RBM10: variants seen among roughly 807,000 people sequenced by gnomAD.
RBM10 encodes RNA binding motif protein 10.
In RBM10, 1 loss-of-function variant was observed where a neutral mutation model predicts 84.9. That is an observed-to-expected ratio of 0.01 (90% CI 0.00 to 0.06). RBM10 has a LOEUF of 0.06. Among genes scored for constraint, RBM10 ranks in the 10% least tolerant of loss-of-function variants. The pLI is 1.00. For synonymous variants in RBM10, 326 were observed against 344.5 expected (o/e 0.95, Z 0.60); for missense variants, 438 against 839.0 (o/e 0.52, Z 5.90).
rs367958692 is a variant in RBM10, at chrX:47,163,056, CA to C, written c.18-6244del. 1.7e-3 allele frequency among the ~76,000 whole-genome samples: 154 copies of C among 90,813 alleles called. 1 individual carries two copies. The highest frequency in any genetic ancestry group is 2.1e-3 in the Admixed American group (17 of 8,002). The allele number at this position is 90,813 out of a possible 115,157, so 78.9% of individuals were successfully genotyped here. ...ATCTCACTTCTGTTGTATGCTTCTC[CA>C]AAAAAAAAAAAAAATCCATAATCTT... On this transcript the variant is annotated intron_variant, in intron 2 of 23. Transcript: ENST00000377604.
intron 2 of RBM10, among the ~76,000 whole-genome samples, chrX:47,168,233 G>A (rs1934376851): frequency 9.0e-6 from 1 of 111,725 alleles, no homozygotes; most frequent in Non-Finnish European, 1.9e-5. Context: ...CCATATTCTA[G>A]TAATTTTTTA....
chrX:47,184,758 T>C (rs1935781604), intron 17 of RBM10, among the ~76,000 whole-genome samples: 1 of 111,459 alleles, frequency 9.0e-6, no homozygotes, highest in Non-Finnish European at 1.9e-5. Context: ...GCCAAGTGCC[T>C]TGCAGGCTGT....
At position 47,179,174 on chromosome X, in the gene RBM10, C is replaced by A. The variant is rs782615388; in HGVS notation, c.724+11C>A. The A allele has an allele frequency of 8.3e-7, 1 of 1,208,162 alleles. No homozygotes were observed. Among genetic ancestry groups the A allele is most frequent in the South Asian group, 1.8e-5 (1 of 56,153 alleles). On this transcript the variant is annotated intron_variant, in intron 8 of 23. Transcript: ENST00000377604. ...GCGTGCCCAAGTCAGGTGAGGCCCA[C>A]CTACCTCTCGTGCTCTCCAGGGCGG...
rs1227774964 is a variant in RBM10 at position 47,176,510 on chromosome X, A to G, written c.587A>G (p.Asn196Ser). Residue 196 changes from asparagine (N) to serine (S), a missense_variant, in exon 7 of 24, where the codon AAC becomes AGC. Coordinates refer to ENST00000377604, the MANE Select transcript of RBM10 (RefSeq NM_005676.5). ...TGCTTTTTCCCGCAGCACTCCCTCA[A>G]CATCCTGGGCCAGAAGGTGTCGATG... ...RWMEANQHSLNILGQKVSMHY... is the reference protein window; with the variant it reads ...RWMEANQHSLSILGQKVSMHY... 12 of 1,211,094 alleles carry G rather than the reference A, an allele frequency of 9.9e-6. No individual in the cohort carries two copies. The highest frequency in any genetic ancestry group is 1.3e-5 in the Non-Finnish European group (12 of 895,320).
intron 2 of RBM10, chrX:47,157,171 T>A (rs1933225530): frequency 3.9e-6 from 1 of 259,423 alleles, no homozygotes; most frequent in Non-Finnish European, 7.3e-6. Flanking sequence ...GGACCAATGA[T>A]GACTCTGGCT....
At chrX:47,162,641 C>T (rs1455275973) in intron 2 of RBM10, among the ~76,000 whole-genome samples, 20 of 109,825 alleles carry the variant, frequency 1.8e-4, no homozygotes, top group Admixed American at 1.6e-3. Flanking sequence ...TTTGGGAGGG[C>T]GAGGGGGGCG....
At chrX:47,182,766 G>A (rs1004284751) in intron 17 of RBM10, among the ~76,000 whole-genome samples, 9 of 112,849 alleles carry the variant, frequency 8.0e-5, no homozygotes, top group South Asian at 3.6e-4. Context: ...CACTGTGAGC[G>A]TAGCGTTTAC....
At position 47,179,144 on chromosome X, in the gene RBM10, A is replaced by G. The variant is rs782538548; in HGVS notation, c.705A>G (p.Lys235=). ...QNFKRREKCF[K]CGVPKSEAEQ... ...TCAAACGCCGAGAGAAGTGCTTCAA[A>G]TGTGGCGTGCCCAAGTCAGGTGAGG... is the stretch of plus-strand genomic sequence containing the variant. The change falls in exon 8 of 24, where the codon AAA becomes AAG. Residue 235 remains lysine (K), a synonymous_variant. Coordinates refer to ENST00000377604, the MANE Select transcript of RBM10 (RefSeq NM_005676.5). The G allele has an allele frequency of 8.3e-7, 1 of 1,209,648 alleles. No homozygotes were observed. Among genetic ancestry groups the G allele is most frequent in the East Asian group, 3.0e-5 (1 of 33,740 alleles).
intron 1 of RBM10, among the ~76,000 whole-genome samples, chrX:47,145,700 A>G (rs1602477853): frequency 1.5e-5 from 1 of 65,936 alleles, no homozygotes; most frequent in Non-Finnish European, 2.6e-5. Flanking sequence ...GGGACATGGG[A>G]TGGGTGCATG....
Position 47,181,540 on chromosome X carries a change from C to A in RBM10, c.1469C>A (p.Ser490Tyr). 8.3e-7 allele frequency: 1 copy of A among 1,211,858 alleles called. No individual in the cohort carries two copies. The highest frequency in any genetic ancestry group is 3.0e-5 in the East Asian group (1 of 33,822). ...PEASLEPGAD[S>Y]VSMQAFSRAQ... ...GCCTCCCTAGAGCCTGGGGCCGACT[C>A]TGTGTCGATGCAGGCTTTCTCTCGC... Residue 490 changes from serine to tyrosine, a missense_variant, in exon 14 of 24, where the codon TCT (serine) becomes TAT (tyrosine). Coordinates refer to ENST00000377604, the MANE Select transcript of RBM10 (RefSeq NM_005676.5).
Position 47,173,044 on chromosome X carries a change from G to C in RBM10, c.433-84G>C, listed in dbSNP as rs1392285143. On this transcript the variant is annotated intron_variant, in intron 4 of 23. Coordinates refer to ENST00000377604, the MANE Select transcript of RBM10 (RefSeq NM_005676.5). ...GTGTGCACATCACCGATGACCCCTCGGGATCCAGAGGCCTCCAGCCAGCCT... is the reference window on the plus strand; with the variant it reads ...GTGTGCACATCACCGATGACCCCTCCGGATCCAGAGGCCTCCAGCCAGCCT... 5.0e-6 allele frequency: 6 copies of C among 1,202,172 alleles called. No individual in the cohort carries two copies. The Admixed American group carries it at 1.3e-4, about 27-fold the overall frequency.
At chrX:47,152,970 C>T (rs1387265691) in intron 2 of RBM10, among the ~76,000 whole-genome samples, 1 of 111,451 alleles carries the variant, frequency 9.0e-6, no homozygotes, top group Non-Finnish European at 1.9e-5. Flanking sequence ...CCTCAGTCTC[C>T]CAAGTAGCTG....
chrX:47,182,718 A>G (rs1242997060), intron 17 of RBM10, among the ~76,000 whole-genome samples: 3 of 112,359 alleles, frequency 2.7e-5, no homozygotes, highest in African/African-American at 6.5e-5. Flanking sequence ...GGGCAGATGG[A>G]GGGCACCTCA....
intron 17 of RBM10, 63 bp downstream of exon 17, chrX:47,182,389 G>C (rs2147201219): frequency 8.6e-7 from 1 of 1,163,897 alleles, no homozygotes; most frequent in Non-Finnish European, 1.2e-6. Context: ...ACGGCACTCT[G>C]TCAGCTCTTG....
chrX:47,153,058 C>T (rs782768483), intron 2 of RBM10, among the ~76,000 whole-genome samples: 1 of 110,007 alleles, frequency 9.1e-6, no homozygotes, highest in East Asian at 2.9e-4. Flanking sequence ...GTTGATCAGG[C>T]TGGTTTCAAA....
intron 2 of RBM10, chrX:47,156,973 C>A: frequency 3.9e-6 from 1 of 254,819 alleles, no homozygotes. Flanking sequence ...CTGCTCACAC[C>A]CTCGTAGGCT....
chrX:47,181,172 C>A, intron 12 of RBM10, 43 bp from the exon 13 acceptor site: 1 of 263,328 alleles, frequency 3.8e-6, no homozygotes, highest in South Asian at 3.9e-5. Flanking sequence ...CCCCCACCCC[C>A]ACACCTTCCT....
chrX:47,149,443 C>A (rs1556762980), intron 2 of RBM10, among the ~76,000 whole-genome samples: 1 of 112,184 alleles, frequency 8.9e-6, no homozygotes, highest in African/African-American at 3.2e-5. Context: ...TGACCACAAC[C>A]TCTGCCTCCC....
At position 47,171,266 on chromosome X, in the gene RBM10, C is replaced by T. The variant is rs2147137507; in HGVS notation, c.432+8C>T. ...GCAGCCACTGAGGATGACGTACGTG[C>T]CCCCCATGGCCCCGGGCAGGAGGCC... On this transcript the variant is annotated splice_region_variant and intron_variant, in intron 4 of 23. Coordinates refer to ENST00000377604, the MANE Select transcript of RBM10 (RefSeq NM_005676.5). 8.3e-7 allele frequency: 1 copy of T among 1,208,621 alleles called. No homozygotes were observed. The highest frequency in any genetic ancestry group is 1.1e-6 in the Non-Finnish European group (1 of 894,521).
Sources: gnomAD v4.1 joint callset for allele counts (sites outside exome capture counted in the v4.1 genomes callset) on GRCh38, gnomAD v4.1.1 for gene constraint, MANE v1.5 for transcripts, NCBI Gene and HGNC (gene_info 2026-07-23, HGNC 2026-07-21) for gene names.